The following ZC3H14 variants were observed in gnomAD, a reference collection of about 807,000 sequenced individuals.
ZC3H14 encodes the protein zinc finger CCCH-type containing 14.
A neutral mutation model predicts 92.4 loss-of-function variants in ZC3H14; 31 were observed. That is an observed-to-expected ratio of 0.34 (90% CI 0.25 to 0.45). ZC3H14 has a LOEUF of 0.45. ZC3H14 is among the 20% of genes least tolerant of loss of function. ZC3H14 has a pLI of 1.00. For missense variants in ZC3H14, 781 were observed against 897.3 expected (o/e 0.87, Z 1.66); for synonymous variants, 321 against 300.9 (o/e 1.07, Z -0.69).
chr14:88,565,879 T>G lies in ZC3H14; in HGVS notation c.80-2160T>G, dbSNP rs555940547. ...CTTTGCAGTAAATTTTTCTTTTTCT[T>G]TTTTTTGAGATGGGGTCTCACTCTG... On this transcript the variant is annotated intron_variant, in intron 2 of 16. Coordinates refer to ENST00000251038, the MANE Select transcript of ZC3H14 (RefSeq NM_024824.5). 8.6e-5 allele frequency among the ~76,000 whole-genome samples: 13 copies of G among 151,392 alleles called. No individual in the cohort carries two copies. In the South Asian group the frequency reaches 2.7e-3, roughly 32 times the overall value.
At chr14:88,566,020 A>ACCC (rs1471025186) in intron 2 of ZC3H14, among the ~76,000 whole-genome samples, 3 of 3,532 alleles carry the variant, frequency 8.5e-4, no homozygotes, top group African/African-American at 1.5e-3. Flanking sequence ...GGCACCTGCC[A>ACCC]CCACCCCGCC....
chr14:88,567,943 T>C (rs764747876), intron 2 of ZC3H14, 96 bp from the exon 3 acceptor site: 3 of 1,019,378 alleles, frequency 2.9e-6, no homozygotes, highest in East Asian at 5.2e-5. Flanking sequence ...TCTGCGACTC[T>C]AAAGCTTAGA....
At chr14:88,598,797 A>G (rs980705865) in intron 10 of ZC3H14, among the ~76,000 whole-genome samples, 2 of 152,192 alleles carry the variant, frequency 1.3e-5, no homozygotes, top group Non-Finnish European at 2.9e-5. Context: ...CAAAACCAAG[A>G]AAACAGTGGC....
At position 88,620,923 on chromosome 14, in the gene ZC3H14, T is replaced by C. The variant is rs773322092; in HGVS notation, c.*9172T>C. ...TGTCCCAAATTCACTTTGTTTAACA[T>C]CTTCTGCATTTAAAAAAAAAAAAAA... On this transcript the variant is annotated 3_prime_UTR_variant, in exon 17 of 17. Coordinates refer to ENST00000251038, the MANE Select transcript of ZC3H14 (RefSeq NM_024824.5). The surrounding 1 kb of genome is among the most constrained non-coding windows in gnomAD (Gnocchi z 4.3). 1 of 1,471,884 alleles carries C rather than the reference T, an allele frequency of 6.8e-7. No homozygotes were observed. Among genetic ancestry groups the C allele is most frequent in the Non-Finnish European group, 8.9e-7 (1 of 1,120,594 alleles). 91.2% of individuals were successfully genotyped at this position (1,471,884 alleles called of 1,614,324 possible).
intron 9 of ZC3H14, chr14:88,594,567 A>T: frequency 1.4e-6 from 2 of 1,475,536 alleles, no homozygotes; most frequent in Non-Finnish European, 1.8e-6. Context: ...TTTGAATTAC[A>T]GGTTTTAAGA....
At chr14:88,588,714 G>A (rs1471656518) in intron 9 of ZC3H14, among the ~76,000 whole-genome samples, 1 of 152,020 alleles carries the variant, frequency 6.6e-6, no homozygotes, top group Non-Finnish European at 1.5e-5. Context: ...TGCTGTCCTT[G>A]TTTTCATTGT....
chr14:88,598,908 G>A (rs1051133743), intron 10 of ZC3H14, among the ~76,000 whole-genome samples: 1 of 152,172 alleles, frequency 6.6e-6, no homozygotes, highest in South Asian at 2.1e-4. Flanking sequence ...CCAACATGGC[G>A]AAACCCAATC....
chr14:88,600,846 C>G (rs2084538883), intron 10 of ZC3H14, among the ~76,000 whole-genome samples: 1 of 152,132 alleles, frequency 6.6e-6, no homozygotes. Flanking sequence ...GTATGTACTG[C>G]TGAGCCCACC....
intron 2 of ZC3H14, among the ~76,000 whole-genome samples, chr14:88,567,417 T>C (rs2079832698): frequency 6.6e-6 from 1 of 150,520 alleles, no homozygotes; most frequent in Non-Finnish European, 1.5e-5. Context: ...GCCTGGCCTT[T>C]TTTCTTTTTT....
rs1395791988 is a variant in ZC3H14, at chr14:88,572,331, CAATG to C, written c.431+109_431+112del. On this transcript the variant is annotated intron_variant, in intron 5 of 16. Coordinates refer to ENST00000251038, the MANE Select transcript of ZC3H14 (RefSeq NM_024824.5). ...TGCTGTTCTCAGCAATTTTTAGAAA[CAATG>C]AAGTGATCGTGAGTAGTTTTTTGAA... 28 of 1,300,282 alleles carry C rather than the reference CAATG, an allele frequency of 2.2e-5. 1 individual carries two copies. The highest frequency in any genetic ancestry group is 1.7e-4 in the East Asian group (7 of 40,480). 80.5% of individuals were successfully genotyped at this position (1,300,282 alleles called of 1,614,324 possible). A position where few individuals can be genotyped will look rare whatever the true frequency, so the allele number is the denominator to read the frequency against.
rs145450322 is a variant in ZC3H14 at position 88,594,125 on chromosome 14, CAAT to C, written c.1280-2605_1280-2603del. ...TTCCCTCCAGAGGATTTGTCACTCT[CAAT>C]AATGTTATATACTAATTTCAAGGGG... On this transcript the variant is annotated intron_variant, in intron 9 of 16. Coordinates refer to ENST00000251038, the MANE Select transcript of ZC3H14 (RefSeq NM_024824.5). 5.1e-4 allele frequency among the ~76,000 whole-genome samples: 77 copies of C among 152,056 alleles called. 2 individuals carry two copies. In the East Asian group the frequency reaches 0.013, roughly 26 times the overall value.
chr14:88,574,193 T>C (rs1940607020), intron 6 of ZC3H14: 1 of 153,998 alleles, frequency 6.5e-6, no homozygotes, highest in Admixed American at 6.5e-5. Context: ...AGTTCTAATT[T>C]TTGTTTTAGC....
chr14:88,596,905 T>C, intron 10 of ZC3H14, 97 bp downstream of exon 10: 3 of 972,122 alleles, frequency 3.1e-6, no homozygotes, highest in Non-Finnish European at 5.0e-6. Context: ...TCTTAGATCC[T>C]GCCCTAAGAT....
chr14:88,601,397 T>C (rs1235553540), intron 10 of ZC3H14, among the ~76,000 whole-genome samples: 1 of 152,234 alleles, frequency 6.6e-6, no homozygotes, highest in Non-Finnish European at 1.5e-5. Flanking sequence ...TTGATACATA[T>C]GTTTAAGTGT....
chr14:88,597,438 A>T (rs1595738522), intron 10 of ZC3H14, among the ~76,000 whole-genome samples: 1 of 152,328 alleles, frequency 6.6e-6, no homozygotes, highest in East Asian at 1.9e-4. Context: ...ACCCGGAATC[A>T]TCTCAGTCCT....
At chr14:88,575,313 A>G (rs1205529840) in intron 7 of ZC3H14, among the ~76,000 whole-genome samples, 2 of 152,174 alleles carry the variant, frequency 1.3e-5, no homozygotes, top group Non-Finnish European at 2.9e-5. Flanking sequence ...AAATTGCTTA[A>G]CATTGGAGAG....
At chr14:88,610,163 C>T (rs1437314315) in intron 15 of ZC3H14, among the ~76,000 whole-genome samples, 1 of 152,120 alleles carries the variant, frequency 6.6e-6, no homozygotes, top group Admixed American at 6.5e-5. Flanking sequence ...TAAAACCATC[C>T]AAACTTGTAC....
intron 12 of ZC3H14, among the ~76,000 whole-genome samples, chr14:88,606,601 A>G (rs2085439394): frequency 6.6e-6 from 1 of 151,970 alleles, no homozygotes; most frequent in Non-Finnish European, 1.5e-5. Flanking sequence ...GAAACCCTGT[A>G]GCCAGGCGTG....
Position 88,573,050 on chromosome 14 carries a change from C to T in ZC3H14, c.861+43C>T, listed in dbSNP as rs371749944. ...AATTCTGGCTTAGGCTAAAAATCGGCAGTTCTTGATACCAAATAATATATG... is the reference window on the plus strand; with the variant it reads ...AATTCTGGCTTAGGCTAAAAATCGGTAGTTCTTGATACCAAATAATATATG... On this transcript the variant is annotated intron_variant, in intron 6 of 16. Transcript: ENST00000251038. The T allele has an allele frequency of 1.4e-4, 218 of 1,603,374 alleles. No homozygotes were observed. The African/African-American group carries it at 2.7e-3, about 20-fold the overall frequency.
Sources: allele counts gnomAD v4.1 joint callset (sites outside exome capture counted in the v4.1 genomes callset), GRCh38; gene constraint gnomAD v4.1.1; non-coding constraint Gnocchi (gnomAD v3.1); transcripts MANE v1.5; gene names NCBI Gene and HGNC (gene_info 2026-07-23, HGNC 2026-07-21).